HRC: variants seen among roughly 807,000 people sequenced by gnomAD.
The protein encoded by HRC is histidine rich calcium binding protein.
HRC carries 41 observed loss-of-function variants against 61.4 expected under a neutral mutation model. The ratio of observed to expected loss-of-function variants is 0.67; its 90% CI spans 0.52 to 0.87. The LOEUF is 0.87. Among genes scored for constraint, HRC ranks in the 40% least tolerant of loss-of-function variants. The pLI is 0.00. For missense variants in HRC, 839 were observed against 885.8 expected (o/e 0.95, Z 0.67); for synonymous variants, 308 against 326.6 (o/e 0.94, Z 0.62).
At position 49,155,386 on chromosome 19, in the gene HRC, T is replaced by C. The variant is rs1568446750; in HGVS notation, c.-149A>G. 4 of 1,188,598 alleles carry C rather than the reference T, an allele frequency of 3.4e-6. No homozygotes were observed. The highest frequency in any genetic ancestry group is 4.6e-6 in the Non-Finnish European group (4 of 877,920). The allele number at this position is 1,188,598 out of a possible 1,614,324, so 73.6% of individuals were successfully genotyped here. A position where few individuals can be genotyped will look rare whatever the true frequency, so the allele number is the denominator to read the frequency against. On this transcript the variant is annotated 5_prime_UTR_variant, in exon 1 of 6. Transcript: ENST00000252825. This position sits in a 1 kb window ranked among gnomAD's most constrained non-coding sequence, Gnocchi z 4.7. ...CTGTCCACCTTCCTCTGGTCCTTGC[T>C]GCCTGGCTCTGGACACCCCTCTGAG...
chr19:49,151,620 A>G (rs2041360198), intron 4 of HRC, 67 bp from the exon 5 acceptor site: 2 of 1,413,620 alleles, frequency 1.4e-6, no homozygotes, highest in Non-Finnish European at 2.0e-6. Context: ...GCCACTCAGT[A>G]TAGCGTGCGA....
At position 49,151,294 on chromosome 19, in the gene HRC, G is replaced by T; in HGVS notation, c.*2C>A. 1 of 1,555,678 alleles carries T rather than the reference G, an allele frequency of 6.4e-7. No individual in the cohort carries two copies. The highest frequency in any genetic ancestry group is 1.4e-5 in the African/African-American group (1 of 73,466). On this transcript the variant is annotated 3_prime_UTR_variant, in exon 6 of 6. Coordinates refer to ENST00000252825, the MANE Select transcript of HRC (RefSeq NM_002152.3). Reference sequence around the variant, plus strand: ...CACCTGCGTCGCAGTCGAGCGACTGGGTCAGGGTTCCGGCGTTTCCAGCAT... The same window carrying T: ...CACCTGCGTCGCAGTCGAGCGACTGTGTCAGGGTTCCGGCGTTTCCAGCAT...
At position 49,154,421 on chromosome 19, in the gene HRC, G is replaced by A. The variant is rs759504962; in HGVS notation, c.817C>T (p.His273Tyr). ...SIEYRHQAHR[H>Y]QGHGIEEDED... is the part of the protein sequence containing the mutation. ...TCCTCTTCAATCCCGTGGCCTTGGTGCCTGTGAGCCTGGTGTCTATATTCA... is the reference window on the plus strand; with the variant it reads ...TCCTCTTCAATCCCGTGGCCTTGGTACCTGTGAGCCTGGTGTCTATATTCA... The change falls in exon 1 of 6, where the codon CAC becomes TAC. Residue 273 changes from histidine (H) to tyrosine (Y), a missense_variant. Transcript: ENST00000252825. The A allele has an allele frequency of 1.3e-6, 2 of 1,588,652 alleles. No homozygotes were observed. The highest frequency in any genetic ancestry group is 1.7e-5 in the Admixed American group (1 of 58,974).
At chr19:49,152,578 T>C (rs915297163) in intron 2 of HRC, among the ~76,000 whole-genome samples, 200 bp from the exon 3 acceptor site, 6 of 151,460 alleles carry the variant, frequency 4.0e-5, no homozygotes, top group Admixed American at 3.9e-4. Context: ...TTTTTTTCCT[T>C]TTTTTTCTTG....
chr19:49,154,453 ACATCATCATCATCATCAT>A lies in HRC; in HGVS notation c.767_784del (p.Asp256_Asp261del), dbSNP rs61355957. ...AGCCTGGTGTCTATATTCAATGGAG[ACATCATCATCATCATCAT>A]CATCATCATCATCATCATCATCATC... On this transcript the variant is annotated inframe_deletion, in exon 1 of 6. Transcript: ENST00000252825. The A allele has an allele frequency of 2.6e-5, 41 of 1,558,742 alleles. No individual in the cohort carries two copies. Among genetic ancestry groups the A allele is most frequent in the Admixed American group, 1.1e-4 (6 of 56,462 alleles).
rs540512844 is a variant in HRC, at chr19:49,154,813, G to A, written c.425C>T (p.Thr142Met). The A allele has an allele frequency of 1.3e-5, 21 of 1,612,984 alleles. No homozygotes were observed. Among genetic ancestry groups the A allele is most frequent in the East Asian group, 6.7e-5 (3 of 44,802 alleles). Residue 142 changes from threonine (T) to methionine (M), a missense_variant, in exon 1 of 6, where the codon ACG becomes ATG. Transcript: ENST00000252825. Reference sequence around the variant, plus strand: ...GTGCCTGTGCTCAGCTGAGTCTTCCGTGTCTTCACTCCCGTGGCCTCTGTG... The same window carrying A: ...GTGCCTGTGCTCAGCTGAGTCTTCCATGTCTTCACTCCCGTGGCCTCTGTG... ...RGHRGHGSED[T>M]EDSAEHRHHL... is the part of the protein sequence containing the mutation.
In HRC at chr19:49,151,474, T is replaced by C. The variant is rs755260270; in HGVS notation, c.2063+43A>G. The C allele has an allele frequency of 1.9e-6, 3 of 1,606,778 alleles. No individual in the cohort carries two copies. In the Admixed American group the frequency reaches 5.0e-5, roughly 27 times the overall value. ...GATAACTCATAGCGAGACAAGCACT[T>C]CTCTAAACGGGGCTTTTACACGCTC... On this transcript the variant is annotated intron_variant, in intron 5 of 5. Coordinates refer to ENST00000252825, the MANE Select transcript of HRC (RefSeq NM_002152.3).
rs751086318 is a variant in HRC, at chr19:49,154,751, C to T, written c.487G>A (p.Glu163Lys). Reference protein sequence around the residue: ...PSHRSHSHQDEDEDEVVSSEH... With the variant: ...PSHRSHSHQDKDEDEVVSSEH... ...CTGGACACAACTTCATCCTCATCCTCGTCTTGATGGCTGTGGCTCCTGTGG... is the reference window on the plus strand; with the variant it reads ...CTGGACACAACTTCATCCTCATCCTTGTCTTGATGGCTGTGGCTCCTGTGG... Residue 163 changes from glutamate (E) to lysine (K), a missense_variant, in exon 1 of 6, where the codon GAG (glutamate) becomes AAG (lysine). Transcript: ENST00000252825. The T allele has an allele frequency of 5.6e-6, 9 of 1,614,048 alleles. No homozygotes were observed. Among genetic ancestry groups the T allele is most frequent in the Non-Finnish European group, 7.6e-6 (9 of 1,180,040 alleles).
Position 49,152,044 on chromosome 19 carries a change from G to C in HRC, c.1986C>G (p.Cys662Trp), listed in dbSNP as rs774035843. 42 of 1,614,076 alleles carry C rather than the reference G, an allele frequency of 2.6e-5. No homozygotes were observed. The South Asian group carries it at 3.6e-4, about 14-fold the overall frequency. Residue 662 changes from cysteine (C) to tryptophan (W), a missense_variant, in exon 4 of 6, where the codon TGC becomes TGG. Coordinates refer to ENST00000252825, the MANE Select transcript of HRC (RefSeq NM_002152.3). ...HCDQCQHCQFCYLCPLVCETV... is the reference protein window; with the variant it reads ...HCDQCQHCQFWYLCPLVCETV... Reference sequence around the variant, plus strand: ...TTTCGCAGACCAGCGGGCAGAGATAGCAGAACTGACAGTGCTGGAGGCGGG... The same window carrying C: ...TTTCGCAGACCAGCGGGCAGAGATACCAGAACTGACAGTGCTGGAGGCGGG...
At position 49,151,208 on chromosome 19, in the gene HRC, C is replaced by G; in HGVS notation, c.*88G>C. The stretch of plus-strand genomic sequence containing the variant: ...CGTCTGACAATGAGGTTTCGGGGAG[C>G]ACGTTTATTCGGAGAAATAAATATA... On this transcript the variant is annotated 3_prime_UTR_variant, in exon 6 of 6. Coordinates refer to ENST00000252825, the MANE Select transcript of HRC (RefSeq NM_002152.3). 8.5e-7 allele frequency: 1 copy of G among 1,174,246 alleles called. No individual in the cohort carries two copies. The highest frequency in any genetic ancestry group is 1.2e-6 in the Non-Finnish European group (1 of 835,938). 72.7% of individuals were successfully genotyped at this position (1,174,246 alleles called of 1,614,324 possible).
At position 49,155,357 on chromosome 19, in the gene HRC, G is replaced by T; in HGVS notation, c.-120C>A. 1 of 1,358,836 alleles carries T rather than the reference G, an allele frequency of 7.4e-7. No homozygotes were observed. Among genetic ancestry groups the T allele is most frequent in the Non-Finnish European group, 9.7e-7 (1 of 1,030,824 alleles). 84.2% of individuals were successfully genotyped at this position (1,358,836 alleles called of 1,614,324 possible). A position where few individuals can be genotyped will look rare whatever the true frequency, so the allele number is the denominator to read the frequency against. ...TCTGTGTCTCTCCTTTGTCCTTTCGGTCTCTGTCCACCTTCCTCTGGTCCT... is the reference window on the plus strand; with the variant it reads ...TCTGTGTCTCTCCTTTGTCCTTTCGTTCTCTGTCCACCTTCCTCTGGTCCT... On this transcript the variant is annotated 5_prime_UTR_variant, in exon 1 of 6. Transcript: ENST00000252825. This position sits in a 1 kb window ranked among gnomAD's most constrained non-coding sequence, Gnocchi z 4.7.
chr19:49,154,207 C>T lies in HRC; in HGVS notation c.1031G>A (p.Arg344Lys), dbSNP rs749233051. 4 of 1,613,860 alleles carry T rather than the reference C, an allele frequency of 2.5e-6. No individual in the cohort carries two copies. The highest frequency in any genetic ancestry group is 1.7e-6 in the Non-Finnish European group (2 of 1,179,922). ...GEHHHHVPDH[R>K]HQGHRDEEED... The stretch of plus-strand genomic sequence containing the variant: ...TTCCTCGTCTCTGTGGCCTTGGTGC[C>T]TGTGGTCAGGGACATGATGGTGGTG... The change falls in exon 1 of 6, where the codon AGG (arginine) becomes AAG (lysine). Residue 344 changes from arginine (R) to lysine (K), a missense_variant. Coordinates refer to ENST00000252825, the MANE Select transcript of HRC (RefSeq NM_002152.3).
In HRC at chr19:49,152,247, C is replaced by T; in HGVS notation, c.1971+63G>A. 6 of 1,473,390 alleles carry T rather than the reference C, an allele frequency of 4.1e-6. No individual in the cohort carries two copies. The East Asian group carries it at 6.8e-5, about 17-fold the overall frequency. The allele number at this position is 1,473,390 out of a possible 1,614,324, so 91.3% of individuals were successfully genotyped here. A position where few individuals can be genotyped will look rare whatever the true frequency, so the allele number is the denominator to read the frequency against. ...GAGGCCAGGATTTAGGGCTGGGGGTCCTCAGAGGGTCCCGGTGCATCCTGA... is the reference window on the plus strand; with the variant it reads ...GAGGCCAGGATTTAGGGCTGGGGGTTCTCAGAGGGTCCCGGTGCATCCTGA... On this transcript the variant is annotated intron_variant, in intron 3 of 5. Transcript: ENST00000252825.
rs1428117176 is a variant in HRC at position 49,153,612 on chromosome 19, C to G, written c.1626G>C (p.Glu542Asp). ...QEEEEEEDKE[E>D]EEEEEDEERR... ...TCTCCTCGTCTTCTTCCTCCTCCTCCTCCTCCTTGTCTTCCTCTTCTTCCT... is the reference window on the plus strand; with the variant it reads ...TCTCCTCGTCTTCTTCCTCCTCCTCGTCCTCCTTGTCTTCCTCTTCTTCCT... The change falls in exon 1 of 6, where the codon GAG becomes GAC. Residue 542 changes from glutamate to aspartate, a missense_variant. Transcript: ENST00000252825. This position sits in a 1 kb window ranked among gnomAD's most constrained non-coding sequence, Gnocchi z 4.8. 13 of 1,548,208 alleles carry G rather than the reference C, an allele frequency of 8.4e-6. No homozygotes were observed. The highest frequency in any genetic ancestry group is 1.2e-5 in the Non-Finnish European group (13 of 1,125,444).
chr19:49,152,071 A>C lies in HRC; in HGVS notation c.1972-13T>G. 1 of 1,613,510 alleles carries C rather than the reference A, an allele frequency of 6.2e-7. No homozygotes were observed. The highest frequency in any genetic ancestry group is 8.5e-7 in the Non-Finnish European group (1 of 1,179,622). On this transcript the variant is annotated splice_polypyrimidine_tract_variant and intron_variant, in intron 3 of 5. Transcript: ENST00000252825. ...AGAACTGACAGTGCTGGAGGCGGGGACGGGGAGAGAGAGTGAGCGTGGGGC... is the reference window on the plus strand; with the variant it reads ...AGAACTGACAGTGCTGGAGGCGGGGCCGGGGAGAGAGAGTGAGCGTGGGGC...
Position 49,153,648 on chromosome 19 carries a change from C to T in HRC, c.1590G>A (p.Leu530=), listed in dbSNP as rs1263017369. 1 of 1,576,450 alleles carries T rather than the reference C, an allele frequency of 6.3e-7. No individual in the cohort carries two copies. The highest frequency in any genetic ancestry group is 1.1e-5 in the South Asian group (1 of 90,194). ...EDEEEGHGLS[L]NQEEEEEEDK... Reference sequence around the variant, plus strand: ...CTTCCTCTTCTTCCTCCTCCTGGTTCAGGCTGAGGCCATGACCTTCCTCCT... The same window carrying T: ...CTTCCTCTTCTTCCTCCTCCTGGTTTAGGCTGAGGCCATGACCTTCCTCCT... The change falls in exon 1 of 6, where the codon CTG becomes CTA. Residue 530 remains leucine (L), a synonymous_variant. Coordinates refer to ENST00000252825, the MANE Select transcript of HRC (RefSeq NM_002152.3). The surrounding 1 kb of genome is among the most constrained non-coding windows in gnomAD (Gnocchi z 4.8).
rs1283313152 is a variant in HRC, at chr19:49,153,769, T to C, written c.1469A>G (p.Glu490Gly). ...GTCTTCCTCATGGGAGCCGGGGTCC[T>C]CTTCCTTCTCCTTTTCCTCCTCAGA... is the stretch of plus-strand genomic sequence containing the variant. ...DDSEEEKEKE[E>G]DPGSHEEDDE... Residue 490 changes from glutamate (E) to glycine (G), a missense_variant, in exon 1 of 6, where the codon GAG becomes GGG. Physicochemically the swap from Glu to Gly is moderately conservative, Grantham distance 98. Coordinates refer to ENST00000252825, the MANE Select transcript of HRC (RefSeq NM_002152.3). The surrounding 1 kb of genome is among the most constrained non-coding windows in gnomAD (Gnocchi z 4.8). 6.2e-7 allele frequency: 1 copy of C among 1,614,064 alleles called. No homozygotes were observed. The highest frequency in any genetic ancestry group is 1.3e-5 in the African/African-American group (1 of 74,924).
chr19:49,153,954 C>T lies in HRC; in HGVS notation c.1284G>A (p.Glu428=). Residue 428 remains glutamate, a synonymous_variant, in exon 1 of 6, where the codon GAG becomes GAA. Coordinates refer to ENST00000252825, the MANE Select transcript of HRC (RefSeq NM_002152.3). The surrounding 1 kb of genome is among the most constrained non-coding windows in gnomAD (Gnocchi z 4.8). ...HHHRVPREED[E]EVSAELGHQA... The stretch of plus-strand genomic sequence containing the variant: ...GGTGGCCAAGCTCAGCAGAGACCTC[C>T]TCATCTTCCTCCCTGGGGACTCTGT... 6.2e-7 allele frequency: 1 copy of T among 1,612,814 alleles called. No homozygotes were observed. Among genetic ancestry groups the T allele is most frequent in the Non-Finnish European group, 8.5e-7 (1 of 1,179,656 alleles).
intron 3 of HRC, 58 bp downstream of exon 3, chr19:49,152,252 G>A: frequency 6.6e-7 from 1 of 1,507,668 alleles, no homozygotes; most frequent in South Asian, 1.1e-5. Context: ...GGGGTCCTCA[G>A]AGGGTCCCGG....
Sources: gnomAD v4.1 joint callset for allele counts (sites outside exome capture counted in the v4.1 genomes callset) on GRCh38, gnomAD v4.1.1 for gene constraint, Gnocchi (gnomAD v3.1) non-coding constraint, MANE v1.5 for transcripts, NCBI Gene and HGNC (gene_info 2026-07-23, HGNC 2026-07-21) for gene names.